The following LRRC36 variants were observed in gnomAD, a reference collection of about 807,000 sequenced individuals.
LRRC36 encodes the protein leucine rich repeat containing 36.
Under a neutral mutation model 81.1 loss-of-function variants are expected in LRRC36, and 62 were observed. That is an observed-to-expected ratio of 0.76 (90% confidence interval 0.62 to 0.94). The LOEUF is 0.94. Among genes scored for constraint, LRRC36 ranks in the 40% least tolerant of loss-of-function variants. LRRC36 has a pLI of 0.00. For missense variants in LRRC36, 761 were observed against 881.7 expected, an observed-to-expected ratio of 0.86 and a Z score of 1.73; for synonymous variants, 334 against 348.6, an observed-to-expected ratio of 0.96 and a Z score of 0.47.
At chr16:67,341,270 A>G (rs1192198470) in intron 1 of LRRC36, among the ~76,000 whole-genome samples, 2 of 138,822 alleles carry the variant, frequency 1.4e-5, no homozygotes, top group Non-Finnish European at 3.1e-5. Context: ...TATATATACT[A>G]TAGCCTATCT....
At chr16:67,365,128 TA>T (rs2039324384) in intron 6 of LRRC36, 175 bp from the exon 7 acceptor site, 1 of 567,266 alleles carries the variant, frequency 1.8e-6, no homozygotes, top group Admixed American at 3.4e-5. Flanking sequence ...AATCTCCTTG[TA>T]TTGTGACTGT....
chr16:67,370,055 G>T (rs533977179), intron 8 of LRRC36, among the ~76,000 whole-genome samples: 20 of 152,266 alleles, frequency 1.3e-4, no homozygotes, highest in African/African-American at 4.8e-4. Flanking sequence ...GGAGAAAAGG[G>T]ACCGTTACAA....
chr16:67,341,045 T>C lies in LRRC36; in HGVS notation c.71-912T>C, dbSNP rs540624043. On this transcript the variant is annotated intron_variant, in intron 1 of 13. Coordinates refer to ENST00000329956, the MANE Select transcript of LRRC36 (RefSeq NM_018296.6). ...TATGTACTCTACATATTCTATAGAA[T>C]ATGTACTCTACATATTCTATAGAAT... Among the ~76,000 whole-genome samples the C allele has an allele frequency of 2.3e-3, 284 of 123,696 alleles. 17 individuals carry two copies. The highest frequency in any genetic ancestry group is 8.3e-3 in the African/African-American group (254 of 30,442). The allele number at this position is 123,696 out of a possible 152,430, so 81.1% of individuals were successfully genotyped here.
intron 2 of LRRC36, among the ~76,000 whole-genome samples, chr16:67,345,866 T>G (rs1439625196): frequency 6.6e-6 from 1 of 151,950 alleles, no homozygotes; most frequent in East Asian, 1.9e-4. Context: ...AAGGTGCTTT[T>G]GGGATCAGGA....
chr16:67,367,143 C>T lies in LRRC36; in HGVS notation c.881C>T (p.Pro294Leu). The stretch of plus-strand genomic sequence containing the variant: ...TCTTCTCCAGAAAAGGAATTGATAC[C>T]AAAACCTGATACTTTTCATCTTACC... ...SGSSPEKELI[P>L]KPDTFHLTHD... The change falls in exon 8 of 14, where the codon CCA becomes CTA. Residue 294 changes from proline to leucine, a missense_variant. Pro to Leu is a moderately conservative substitution (Grantham distance 98). Coordinates refer to ENST00000329956, the MANE Select transcript of LRRC36 (RefSeq NM_018296.6). 6.2e-7 allele frequency: 1 copy of T among 1,614,054 alleles called. No homozygotes were observed. Among genetic ancestry groups the T allele is most frequent in the Non-Finnish European group, 8.5e-7 (1 of 1,180,002 alleles).
intron 8 of LRRC36, among the ~76,000 whole-genome samples, chr16:67,368,843 T>C (rs1353316631): frequency 6.6e-6 from 1 of 152,188 alleles, no homozygotes; most frequent in Non-Finnish European, 1.5e-5. Flanking sequence ...GTTCTGAAGA[T>C]GACACTCCAT....
chr16:67,381,690 C>A (rs991027602), intron 12 of LRRC36, among the ~76,000 whole-genome samples: 1 of 152,172 alleles, frequency 6.6e-6, no homozygotes. Context: ...TCTGTGCTCA[C>A]TGCTACCTCC....
At chr16:67,345,313 CAAAAA>C (rs34575374) in intron 2 of LRRC36, among the ~76,000 whole-genome samples, 2 of 88,184 alleles carry the variant, frequency 2.3e-5, no homozygotes, top group African/African-American at 4.1e-5. Flanking sequence ...TACCCTGTCT[CAAAAA>C]AAAAAAAAAA....
At chr16:67,380,381 T>A (rs747380451) in intron 12 of LRRC36, among the ~76,000 whole-genome samples, 14 of 152,246 alleles carry the variant, frequency 9.2e-5, no homozygotes, top group Non-Finnish European at 2.1e-4. Context: ...TTTTTTCAAA[T>A]TTTGCCATTG....
intron 8 of LRRC36, among the ~76,000 whole-genome samples, chr16:67,369,852 C>A (rs2039559677): frequency 6.6e-6 from 1 of 152,148 alleles, no homozygotes; most frequent in South Asian, 2.1e-4. Flanking sequence ...CCAGGTCCCT[C>A]CCATGTCATG....
At chr16:67,330,792 G>T (rs1312844011) in intron 1 of LRRC36, among the ~76,000 whole-genome samples, 1 of 152,074 alleles carries the variant, frequency 6.6e-6, no homozygotes, top group Admixed American at 6.6e-5. Flanking sequence ...TTGAGCCTGG[G>T]AAGCAGAGGT....
chr16:67,349,068 A>G (rs2038492543), intron 4 of LRRC36, among the ~76,000 whole-genome samples: 1 of 152,210 alleles, frequency 6.6e-6, no homozygotes, highest in Admixed American at 6.5e-5. Context: ...ATGCTTCTAA[A>G]ACATTGTTTA....
At chr16:67,371,318 G>A (rs775697051) in intron 9 of LRRC36, 76 bp downstream of exon 9, 2 of 1,557,694 alleles carry the variant, frequency 1.3e-6, no homozygotes, top group Non-Finnish European at 1.8e-6. Flanking sequence ...TGTTGGGAAT[G>A]GAGGTGGTTC....
At position 67,384,923 on chromosome 16, in the gene LRRC36, A is replaced by G. The variant is rs968165216; in HGVS notation, c.2099A>G (p.Lys700Arg). The G allele has an allele frequency of 2.0e-5, 32 of 1,614,096 alleles. No individual in the cohort carries two copies. The highest frequency in any genetic ancestry group is 2.7e-5 in the Non-Finnish European group (32 of 1,180,050). Reference protein sequence around the residue: ...YLLQQLNKEPKGYSGKALLPP... With the variant: ...YLLQQLNKEPRGYSGKALLPP... ...CTGCAGCAGCTGAATAAGGAGCCAA[A>G]AGGTTATTCCGGGAAAGCGCTCCTG... is the stretch of plus-strand genomic sequence containing the variant. Residue 700 changes from lysine to arginine, a missense_variant, in exon 14 of 14, where the codon AAA becomes AGA. This residue lies in a region of LRRC36 where 359 missense variants were observed against 388.4 expected (regional missense o/e 0.92). Transcript: ENST00000329956.
At chr16:67,376,164 C>G (rs1437055952) in intron 10 of LRRC36, among the ~76,000 whole-genome samples, 1 of 151,852 alleles carries the variant, frequency 6.6e-6, no homozygotes, top group Non-Finnish European at 1.5e-5. Flanking sequence ...ACAAATTAGC[C>G]AGGCGTAGTG....
intron 1 of LRRC36, among the ~76,000 whole-genome samples, chr16:67,328,381 C>T (rs1325520340): frequency 2.0e-5 from 3 of 151,946 alleles, no homozygotes; most frequent in African/African-American, 7.3e-5. Context: ...AGCATGGTGG[C>T]GGGCGCCTGT....
In LRRC36 at chr16:67,357,198, T is replaced by G. The variant is rs1344337177; in HGVS notation, c.578-6392T>G. 2.6e-5 allele frequency among the ~76,000 whole-genome samples: 4 copies of G among 152,180 alleles called. No homozygotes were observed. The South Asian group carries it at 8.3e-4, about 32-fold the overall frequency. On this transcript the variant is annotated intron_variant, in intron 5 of 13. Coordinates refer to ENST00000329956, the MANE Select transcript of LRRC36 (RefSeq NM_018296.6). ...AGTGTTTTGCTATATAGTTCAAACT[T>G]CAGAAGAATGGAATTTCTGAATAAA...
rs1434369796 is a variant in LRRC36, at chr16:67,378,622, G to C, written c.1840G>C (p.Glu614Gln). Residue 614 changes from glutamate to glutamine, a missense_variant, in exon 12 of 14, where the codon GAG (glutamate) becomes CAG (glutamine). Transcript: ENST00000329956. ...SLKQKLVRVL[E>Q]ENLILSEKIQ... is the part of the protein sequence containing the mutation. ...GAAGCAAAAACTGGTCAGAGTGCTG[G>C]AGGAAAACCTCATTTTGTCAGAAAA... The C allele has an allele frequency of 3.1e-6, 5 of 1,614,114 alleles. No homozygotes were observed. In the East Asian group the frequency reaches 1.1e-4, roughly 36 times the overall value.
chr16:67,375,154 T>TC (rs2039833517), intron 9 of LRRC36, 93 bp from the exon 10 acceptor site: 3 of 1,379,306 alleles, frequency 2.2e-6, no homozygotes, highest in Non-Finnish European at 3.0e-6. Context: ...AAAAAAAGTC[T>TC]CAATGTCTAA....
Sources: allele counts gnomAD v4.1 joint callset (sites outside exome capture counted in the v4.1 genomes callset), GRCh38; gene constraint gnomAD v4.1.1; regional missense constraint gnomAD v4.1.1; transcripts MANE v1.5; gene names NCBI Gene and HGNC (gene_info 2026-07-23, HGNC 2026-07-21).